The following MAL2 variants were observed in gnomAD, a reference collection of about 807,000 sequenced individuals.
MAL2 encodes mal, T cell differentiation protein 2.
A neutral mutation model predicts 18.1 loss-of-function variants in MAL2; 17 were observed. The observed-to-expected ratio is 0.94, with a 90% CI of 0.64 to 1.41. The LOEUF is 1.41. Among genes scored for constraint, MAL2 ranks in the 40% most tolerant of loss-of-function variants. MAL2 has a pLI of 0.00. For synonymous variants in MAL2, 102 were observed against 102.3 expected (o/e 1.00, Z 0.02); for missense variants, 222 against 231.9 (o/e 0.96, Z 0.28).
At chr8:119,242,409 A>G (rs1381023605) in intron 3 of MAL2, among the ~76,000 whole-genome samples, 2 of 152,024 alleles carry the variant, frequency 1.3e-5, no homozygotes, top group Non-Finnish European at 1.5e-5. Flanking sequence ...CCATATGCTC[A>G]CTCCAGTCTA....
chr8:119,242,991 T>G (rs1423589006), intron 3 of MAL2, among the ~76,000 whole-genome samples: 1 of 152,224 alleles, frequency 6.6e-6, no homozygotes, highest in South Asian at 2.1e-4. Flanking sequence ...AAAGTTACCT[T>G]CCATCATCAT....
At chr8:119,226,098 C>T in intron 2 of MAL2, among the ~76,000 whole-genome samples, 1 of 152,112 alleles carries the variant, frequency 6.6e-6, no homozygotes, top group Non-Finnish European at 1.5e-5. Context: ...TGCCTGTTCA[C>T]TCTGATGGTA....
chr8:119,240,054 G>A, intron 2 of MAL2, 111 bp from the exon 3 acceptor site: 1 of 1,156,712 alleles, frequency 8.6e-7, no homozygotes, highest in South Asian at 1.6e-5. Context: ...ATATAGTTAA[G>A]ATTGTTTAAT....
At chr8:119,225,765 A>G (rs367657198) in intron 2 of MAL2, among the ~76,000 whole-genome samples, 22 of 152,138 alleles carry the variant, frequency 1.4e-4, no homozygotes, top group Admixed American at 1.3e-3. Flanking sequence ...ATTTCTCCAC[A>G]TCCTCTCCAG....
At chr8:119,243,363 GTT>G (rs1818086743) in intron 3 of MAL2, 52 bp from the exon 4 acceptor site, 1 of 1,422,442 alleles carries the variant, frequency 7.0e-7, no homozygotes, top group Non-Finnish European at 9.6e-7. Flanking sequence ...TTAGGACACT[GTT>G]TATAAGTCGG....
intron 1 of MAL2, chr8:119,221,332 TGAA>T (rs1306814659): frequency 1.2e-5 from 5 of 410,196 alleles, no homozygotes; most frequent in African/African-American, 9.8e-5. Flanking sequence ...GTACATGGGT[TGAA>T]GAAGCGAGTC....
chr8:119,238,207 T>A (rs952998925), intron 2 of MAL2, among the ~76,000 whole-genome samples: 2 of 152,014 alleles, frequency 1.3e-5, no homozygotes, highest in Non-Finnish European at 2.9e-5. Flanking sequence ...GAGAATAAAA[T>A]ACCTAGGAAT....
In MAL2 at chr8:119,244,770, T is replaced by G. The variant is rs898632975; in HGVS notation, c.*1282T>G. 2 of 152,454 alleles carry G rather than the reference T, an allele frequency of 1.3e-5. No homozygotes were observed. The highest frequency in any genetic ancestry group is 2.9e-5 in the Non-Finnish European group (2 of 68,026). The allele number at this position is 152,454 out of a possible 1,614,324, so 9.4% of individuals were successfully genotyped here. On this transcript the variant is annotated 3_prime_UTR_variant, in exon 4 of 4. Transcript: ENST00000614891. ...TTAAAATCATATCCAGCACAAAAACTATTTCTGGCTGAATAGCACAGAAAA... is the reference window on the plus strand; with the variant it reads ...TTAAAATCATATCCAGCACAAAAACGATTTCTGGCTGAATAGCACAGAAAA...
At chr8:119,220,292 A>C (rs1362480961) in intron 1 of MAL2, among the ~76,000 whole-genome samples, 1 of 152,130 alleles carries the variant, frequency 6.6e-6, no homozygotes, top group Admixed American at 6.5e-5. Context: ...TCTACTTCTA[A>C]ATTTCACTCT....
intron 2 of MAL2, among the ~76,000 whole-genome samples, chr8:119,231,627 A>G (rs920710149): frequency 2.0e-5 from 3 of 152,208 alleles, no homozygotes; most frequent in Non-Finnish European, 4.4e-5. Context: ...CATCAGTGAG[A>G]TATCTGCATT....
chr8:119,240,051 T>A (rs992540634), intron 2 of MAL2, 114 bp from the exon 3 acceptor site: 2 of 1,135,922 alleles, frequency 1.8e-6, no homozygotes, highest in Non-Finnish European at 2.5e-6. Context: ...TGAATATAGT[T>A]AAGATTGTTT....
intron 1 of MAL2, among the ~76,000 whole-genome samples, chr8:119,219,807 T>G (rs909188347): frequency 6.6e-6 from 1 of 152,080 alleles, no homozygotes; most frequent in Non-Finnish European, 1.5e-5. Flanking sequence ...ATCTCACTGA[T>G]GTAACAAAGC....
At chr8:119,234,494 C>T (rs1190073105) in intron 2 of MAL2, among the ~76,000 whole-genome samples, 4 of 152,226 alleles carry the variant, frequency 2.6e-5, no homozygotes, top group Non-Finnish European at 4.4e-5. Context: ...GTAGGCTCCA[C>T]CTCTGGGGGC....
intron 2 of MAL2, among the ~76,000 whole-genome samples, chr8:119,232,418 G>A (rs986007753): frequency 3.9e-5 from 6 of 152,074 alleles, no homozygotes; most frequent in Non-Finnish European, 5.9e-5. Context: ...ATGCACATAA[G>A]GTACCTGATA....
At chr8:119,217,864 T>C (rs1817383849) in intron 1 of MAL2, among the ~76,000 whole-genome samples, 1 of 152,130 alleles carries the variant, frequency 6.6e-6, no homozygotes, top group Admixed American at 6.5e-5. Flanking sequence ...CTAAGCTCAC[T>C]AATGCCCGGA....
At chr8:119,222,113 T>G (rs989000049) in intron 2 of MAL2, among the ~76,000 whole-genome samples, 1 of 152,198 alleles carries the variant, frequency 6.6e-6, no homozygotes. Flanking sequence ...AATTTTCCAT[T>G]AATTTCTGCC....
intron 2 of MAL2, among the ~76,000 whole-genome samples, chr8:119,222,520 CAAAA>C (rs771003231): frequency 5.0e-5 from 4 of 80,584 alleles, no homozygotes; most frequent in Non-Finnish European, 7.9e-5. Context: ...GACTCCATCT[CAAAA>C]AAAAAAAAAA....
chr8:119,231,022 G>GT (rs962981879), intron 2 of MAL2, among the ~76,000 whole-genome samples: 37 of 151,220 alleles, frequency 2.4e-4, no homozygotes, highest in South Asian at 6.3e-4. Context: ...TGTGAGAACA[G>GT]TTTTTTTTTT....
At chr8:119,215,888 T>G (rs775622199) in intron 1 of MAL2, among the ~76,000 whole-genome samples, 16 of 152,232 alleles carry the variant, frequency 1.1e-4, no homozygotes, top group Non-Finnish European at 1.6e-4. Context: ...TGTGGGCTGC[T>G]TTGTAAATAC....
Sources: allele counts gnomAD v4.1 joint callset (sites outside exome capture counted in the v4.1 genomes callset), GRCh38; gene constraint gnomAD v4.1.1; transcripts MANE v1.5; gene names NCBI Gene and HGNC (gene_info 2026-07-23, HGNC 2026-07-21).